The following PCDH9 variants were observed in gnomAD, a reference collection of about 807,000 sequenced individuals.
The protein encoded by PCDH9 is protocadherin-9.
PCDH9 carries 24 observed loss-of-function variants against 70.6 expected under a neutral mutation model. The observed-to-expected ratio is 0.34, with a 90% CI of 0.25 to 0.48. The LOEUF (loss-of-function observed/expected upper bound fraction) is 0.48. PCDH9 is among the 20% of genes least tolerant of loss of function. The probability of loss-of-function intolerance (pLI) is 0.99; values close to 1 mark genes in which losing one functional copy is unlikely to be tolerated. For missense variants in PCDH9, 1,281 were observed against 1,503.6 expected, an observed-to-expected ratio of 0.85 and a Z score of 2.45; for synonymous variants, 562 against 558.5, an observed-to-expected ratio of 1.01 and a Z score of -0.09.
intron 3 of PCDH9, among the ~76,000 whole-genome samples, chr13:66,678,787 TCC>T (rs755370659): frequency 5.3e-4 from 80 of 151,916 alleles, no homozygotes; most frequent in Non-Finnish European, 1.1e-3. Flanking sequence ...CTCAAAGAAT[TCC>T]CTACTCAGAC....
chr13:66,616,907 C>T (rs573264107), intron 4 of PCDH9, among the ~76,000 whole-genome samples: 1 of 152,118 alleles, frequency 6.6e-6, no homozygotes, highest in Non-Finnish European at 1.5e-5. Context: ...AGCCTCAATT[C>T]CAAGCTTCAG....
chr13:66,356,384 A>C (rs750561245), intron 4 of PCDH9, among the ~76,000 whole-genome samples: 22 of 152,080 alleles, frequency 1.4e-4, no homozygotes, highest in Non-Finnish European at 1.5e-4. Flanking sequence ...TTCTATAAAT[A>C]TACTTTCTTT....
In PCDH9 at chr13:66,491,845, C is replaced by T. The variant is rs552621782; in HGVS notation, c.3340+139365G>A. ...CTTTAGACATATGTTCTATTAGTCA[C>T]ACCTAGTGCAGGTACTTTGGGTTAA... On this transcript the variant is annotated intron_variant, in intron 4 of 4. Transcript: ENST00000377865. Among the ~76,000 whole-genome samples the T allele has an allele frequency of 1.6e-4, 24 of 152,206 alleles. No homozygotes were observed. In the South Asian group the frequency reaches 4.6e-3, roughly 29 times the overall value.
chr13:66,669,937 T>C (rs997281925), intron 3 of PCDH9, among the ~76,000 whole-genome samples: 5 of 152,304 alleles, frequency 3.3e-5, no homozygotes, highest in Admixed American at 1.3e-4. Flanking sequence ...AAGTTCTTAC[T>C]CTTTTGTTTT....
At chr13:67,178,016 A>G (rs1310752320) in intron 2 of PCDH9, among the ~76,000 whole-genome samples, 1 of 152,126 alleles carries the variant, frequency 6.6e-6, no homozygotes, top group Non-Finnish European at 1.5e-5. Context: ...CAAGCCTGGC[A>G]TGGAAAACAT....
At chr13:67,224,308 A>T (rs2089797968) in intron 2 of PCDH9, 1 of 152,234 alleles carries the variant, frequency 6.6e-6, no homozygotes, top group Non-Finnish European at 1.5e-5. Context: ...TAGTTGCTCC[A>T]GAGCAACTAT....
intron 2 of PCDH9, among the ~76,000 whole-genome samples, chr13:66,962,472 C>A (rs565932830): frequency 2.0e-5 from 3 of 152,304 alleles, no homozygotes; most frequent in African/African-American, 7.2e-5. Context: ...ATTGTGGGAA[C>A]ATCACAGAGT....
chr13:66,482,752 A>G (rs374199661), intron 4 of PCDH9, among the ~76,000 whole-genome samples: 1 of 152,144 alleles, frequency 6.6e-6, no homozygotes, highest in East Asian at 1.9e-4. Context: ...CTTTATTCTG[A>G]TCTCCCCTAT....
chr13:66,508,099 G>C lies in PCDH9; in HGVS notation c.3340+123111C>G, dbSNP rs146189221. On this transcript the variant is annotated intron_variant, in intron 4 of 4. Transcript: ENST00000377865. ...AGTTTGTTCATGGAGTTGTCATAAGGATCAAATTATTTGATAGAGAGCATT... is the reference window on the plus strand; with the variant it reads ...AGTTTGTTCATGGAGTTGTCATAAGCATCAAATTATTTGATAGAGAGCATT... 3.3e-5 allele frequency among the ~76,000 whole-genome samples: 5 copies of C among 152,264 alleles called. No homozygotes were observed. In the East Asian group the frequency reaches 9.7e-4, roughly 29 times the overall value.
intron 4 of PCDH9, among the ~76,000 whole-genome samples, chr13:66,338,788 T>C (rs1566251890): frequency 6.6e-6 from 1 of 151,990 alleles, no homozygotes; most frequent in Non-Finnish European, 1.5e-5. Flanking sequence ...GAAATCTATC[T>C]CCTTTATGAC....
chr13:67,010,378 A>G (rs1426458214), intron 2 of PCDH9, among the ~76,000 whole-genome samples: 1 of 151,992 alleles, frequency 6.6e-6, no homozygotes, highest in Non-Finnish European at 1.5e-5. Flanking sequence ...TGGGTGCCTC[A>G]CAGTGGGGAA....
chr13:67,172,057 T>G lies in PCDH9; in HGVS notation c.3036+53348A>C, dbSNP rs571414987. Among the ~76,000 whole-genome samples the G allele has an allele frequency of 2.6e-5, 4 of 152,306 alleles. No individual in the cohort carries two copies. The East Asian group carries it at 7.7e-4, about 29-fold the overall frequency. Reference sequence around the variant, plus strand: ...TCACATCGGATGAAACTTTTGAAACTTATGCAGCCTAAATCCATGAATGTA... The same window carrying G: ...TCACATCGGATGAAACTTTTGAAACGTATGCAGCCTAAATCCATGAATGTA... On this transcript the variant is annotated intron_variant, in intron 2 of 4. Coordinates refer to ENST00000377865, the MANE Select transcript of PCDH9 (RefSeq NM_203487.3).
chr13:66,637,857 T>C (rs1379192339), intron 3 of PCDH9, among the ~76,000 whole-genome samples: 1 of 150,462 alleles, frequency 6.6e-6, no homozygotes, highest in African/African-American at 2.5e-5. Context: ...GAGCTTGCAG[T>C]GAGCCGAGAT....
Position 67,228,135 on chromosome 13 carries a change from T to C in PCDH9, c.306A>G (p.Ser102=). 6.2e-7 allele frequency: 1 copy of C among 1,614,164 alleles called. No individual in the cohort carries two copies. The highest frequency in any genetic ancestry group is 8.5e-7 in the Non-Finnish European group (1 of 1,180,016). ...IDREKLCAGA[S]YAEENECFFE... ...AGAAACACTCATTCTCCTCAGCATA[T>C]GAGGCGCCAGCACAGAGTTTTTCTC... Residue 102 remains serine, a synonymous_variant, in exon 2 of 5, where the codon TCA becomes TCG. Transcript: ENST00000377865.
chr13:66,943,414 A>T (rs917066006), intron 2 of PCDH9, among the ~76,000 whole-genome samples: 1 of 152,044 alleles, frequency 6.6e-6, no homozygotes, highest in African/African-American at 2.4e-5. Flanking sequence ...TATGTAGATA[A>T]TCAAGATTTG....
At chr13:67,013,545 G>T (rs951453390) in intron 2 of PCDH9, among the ~76,000 whole-genome samples, 16 of 151,552 alleles carry the variant, frequency 1.1e-4, no homozygotes, top group South Asian at 6.2e-4. Flanking sequence ...TTAAATTTTT[G>T]ATTTTTATAC....
intron 4 of PCDH9, among the ~76,000 whole-genome samples, chr13:66,363,667 A>T (rs1379156473): frequency 2.0e-5 from 3 of 152,242 alleles, no homozygotes; most frequent in Non-Finnish European, 2.9e-5. Context: ...TGTAAAATCC[A>T]GATGGCAGAG....
At position 66,856,377 on chromosome 13, in the gene PCDH9, C is replaced by A. The variant is rs77946310; in HGVS notation, c.3138+47127G>T. ...AATGCATGTAAGACACTGAGCCTTG[C>A]ACAATAAATATGGAACAAAGTAATA... On this transcript the variant is annotated intron_variant, in intron 3 of 4. Coordinates refer to ENST00000377865, the MANE Select transcript of PCDH9 (RefSeq NM_203487.3). 6.6e-3 allele frequency among the ~76,000 whole-genome samples: 1,007 copies of A among 152,070 alleles called. 7 individuals are homozygous for A. The highest frequency in any genetic ancestry group is 9.8e-3 in the Non-Finnish European group (667 of 67,914).
chr13:66,680,425 T>C (rs2078302888), intron 3 of PCDH9, among the ~76,000 whole-genome samples: 1 of 152,004 alleles, frequency 6.6e-6, no homozygotes, highest in Admixed American at 6.6e-5. Flanking sequence ...TATTCTCTAG[T>C]TAACCTGGAC....
Sources: allele counts gnomAD v4.1 joint callset (sites outside exome capture counted in the v4.1 genomes callset), GRCh38; gene constraint gnomAD v4.1.1; transcripts MANE v1.5; gene names NCBI Gene and HGNC (gene_info 2026-07-23, HGNC 2026-07-21).